Variants in DOP1B observed in about 807,000 individuals in gnomAD.
DOP1B encodes the protein DOP1 leucine zipper like protein B, also known as protein DOP1B.
Under a neutral mutation model 233.5 loss-of-function variants are expected in DOP1B, and 174 were observed. That is an observed-to-expected ratio of 0.75 (90% confidence interval 0.66 to 0.85). The LOEUF (loss-of-function observed/expected upper bound fraction) is 0.85, where lower values mean the gene tolerates loss of function less well. Among genes scored for constraint, DOP1B ranks in the 40% least tolerant of loss-of-function variants. The probability of loss-of-function intolerance (pLI) is 0.00; values close to 1 mark genes in which losing one functional copy is unlikely to be tolerated. For synonymous variants in DOP1B, 1,190 were observed against 1,185.6 expected, an observed-to-expected ratio of 1.00 and a Z score of -0.08; for missense variants, 2,652 against 2,846.6, an observed-to-expected ratio of 0.93 and a Z score of 1.56.
chr21:36,224,307 G>A (rs2066657567), intron 11 of DOP1B, among the ~76,000 whole-genome samples: 1 of 151,780 alleles, frequency 6.6e-6, no homozygotes, highest in Admixed American at 6.6e-5. Flanking sequence ...AGCCTCCCAA[G>A]TAACTGCGAC....
chr21:36,220,744 A>G (rs951234071), intron 10 of DOP1B, among the ~76,000 whole-genome samples: 2 of 150,386 alleles, frequency 1.3e-5, no homozygotes, highest in African/African-American at 2.5e-5. Flanking sequence ...AGCTCAAGCA[A>G]TCTGCCCACC....
chr21:36,238,505 G>GT lies in DOP1B; in HGVS notation c.2776-95dup. 3 of 1,005,620 alleles carry GT rather than the reference G, an allele frequency of 3.0e-6. No individual in the cohort carries two copies. The South Asian group carries it at 4.0e-5, about 13-fold the overall frequency. 62.3% of individuals were successfully genotyped at this position (1,005,620 alleles called of 1,614,324 possible). On this transcript the variant is annotated intron_variant, in intron 16 of 36. Transcript: ENST00000691173. ...TGTGGTTGCTGTCAGTTCTGCTGAA[G>GT]TCTTTGATCTATTGTTTAAATGGGG...
intron 2 of DOP1B, among the ~76,000 whole-genome samples, chr21:36,177,174 G>A (rs940864658): frequency 1.6e-4 from 25 of 152,080 alleles, no homozygotes; most frequent in Non-Finnish European, 3.4e-4. Flanking sequence ...TTCTGTTGTG[G>A]GTGCCATGCT....
chr21:36,259,051 C>T (rs1319077296), intron 23 of DOP1B, among the ~76,000 whole-genome samples: 2 of 151,130 alleles, frequency 1.3e-5, no homozygotes, highest in Non-Finnish European at 2.9e-5. Flanking sequence ...CTGCAAGCTC[C>T]ACCTCCCAGG....
In DOP1B at chr21:36,176,160, A is replaced by G. The variant is rs184615362; in HGVS notation, c.138+11289A>G. On this transcript the variant is annotated intron_variant, in intron 2 of 36. Coordinates refer to ENST00000691173, the MANE Select transcript of DOP1B (RefSeq NM_001320714.2). ...AGCACCCAGAACTGCTGAGTCAGGAAAGCGTTCCAGGTGATTTGTGCCCCC... is the reference window on the plus strand; with the variant it reads ...AGCACCCAGAACTGCTGAGTCAGGAGAGCGTTCCAGGTGATTTGTGCCCCC... Among the ~76,000 whole-genome samples, 59 of 146,758 alleles carry G rather than the reference A, an allele frequency of 4.0e-4. 1 individual carries two copies. The highest frequency in any genetic ancestry group is 1.2e-3 in the African/African-American group (46 of 39,912).
At chr21:36,264,465 CTTTTTTT>C (rs766718183) in intron 26 of DOP1B, among the ~76,000 whole-genome samples, 1 of 140,402 alleles carries the variant, frequency 7.1e-6, no homozygotes, top group Non-Finnish European at 1.6e-5. Context: ...TTCTTTTTTT[CTTTTTTT>C]TTTTTTTGGG....
chr21:36,238,318 C>A (rs1300583424), intron 16 of DOP1B, among the ~76,000 whole-genome samples: 1 of 152,184 alleles, frequency 6.6e-6, no homozygotes, highest in South Asian at 2.1e-4. Context: ...AAGCCATGCT[C>A]CTTTGTGTTT....
chr21:36,175,664 A>T (rs2066014500), intron 2 of DOP1B: 1 of 152,074 alleles, frequency 6.6e-6, no homozygotes, highest in African/African-American at 2.4e-5. Context: ...ATGGTGGCGC[A>T]TGCCTGTAAT....
chr21:36,227,629 T>C, intron 12 of DOP1B, 57 bp from the exon 13 acceptor site: 5 of 1,395,834 alleles, frequency 3.6e-6, no homozygotes, highest in Non-Finnish European at 4.8e-6. Context: ...TTGAGATGCA[T>C]TGTTTTTCTG....
chr21:36,170,924 G>A (rs1325017900), intron 2 of DOP1B, among the ~76,000 whole-genome samples: 2 of 152,172 alleles, frequency 1.3e-5, no homozygotes, highest in African/African-American at 4.8e-5. Flanking sequence ...AGTTTAAGCA[G>A]CCACCTTGAA....
At position 36,237,194 on chromosome 21, in the gene DOP1B, G is replaced by C. The variant is rs1013312374; in HGVS notation, c.2623-68G>C. 23 of 1,600,714 alleles carry C rather than the reference G, an allele frequency of 1.4e-5. No individual in the cohort carries two copies. In the East Asian group the frequency reaches 4.0e-4, roughly 28 times the overall value. ...GTATGTCGGGGCTGGGACTGACTGA[G>C]TGAGGATGTGAGCGGATGTTGCCTG... On this transcript the variant is annotated intron_variant, in intron 15 of 36. Transcript: ENST00000691173.
chr21:36,234,347 G>A (rs1159980877), intron 15 of DOP1B, among the ~76,000 whole-genome samples: 2 of 152,042 alleles, frequency 1.3e-5, no homozygotes, highest in African/African-American at 4.8e-5. Flanking sequence ...AGGCACAGGG[G>A]AGAAAAAAGA....
chr21:36,216,592 C>T (rs1005943779), intron 9 of DOP1B, among the ~76,000 whole-genome samples: 2 of 152,172 alleles, frequency 1.3e-5, no homozygotes, highest in African/African-American at 4.8e-5. Flanking sequence ...GCCTGGGCAA[C>T]AGAGTGAGAC....
At chr21:36,167,940 C>CTTTTTTTTTTTTTTTTT (rs869190433) in intron 2 of DOP1B, among the ~76,000 whole-genome samples, 11 of 40,010 alleles carry the variant, frequency 2.7e-4, no homozygotes, top group Non-Finnish European at 3.3e-4. Flanking sequence ...TTTTCTTTTT[C>CTTTTTTTTTTTTTTTTT]TTTTTTTTTT....
chr21:36,210,681 G>A (rs977681728), intron 5 of DOP1B, among the ~76,000 whole-genome samples: 3 of 151,828 alleles, frequency 2.0e-5, no homozygotes, highest in South Asian at 2.1e-4. Flanking sequence ...GCATGGTGGC[G>A]GGCACCTATA....
chr21:36,286,819 C>A (rs574761230), intron 32 of DOP1B, among the ~76,000 whole-genome samples: 1 of 152,072 alleles, frequency 6.6e-6, no homozygotes, highest in African/African-American at 2.4e-5. Context: ...AAAAAATTAG[C>A]CGGGCATGGT....
In DOP1B at chr21:36,270,121, T is replaced by C. The variant is rs1177099891; in HGVS notation, c.5596T>C (p.Ser1866Pro). ...NLEVKAQPQA[S>P]LEESDAEEDL... is the part of the protein sequence containing the mutation. ...GGAAGTGAAGGCCCAACCTCAGGCCTCTCTAGAAGAATCTGATGCTGAGGA... is the reference window on the plus strand; with the variant it reads ...GGAAGTGAAGGCCCAACCTCAGGCCCCTCTAGAAGAATCTGATGCTGAGGA... The change falls in exon 27 of 37, where the codon TCT (serine) becomes CCT (proline). Residue 1866 changes from serine to proline, a missense_variant. Ser to Pro is a moderately conservative substitution (Grantham distance 74). Around this residue, in one of 3 missense-constraint regions of DOP1B, gnomAD observed 2,617 missense variants for 2,794.3 expected, o/e 0.94. Coordinates refer to ENST00000691173, the MANE Select transcript of DOP1B (RefSeq NM_001320714.2). The C allele has an allele frequency of 6.2e-7, 1 of 1,614,130 alleles. No homozygotes were observed. Among genetic ancestry groups the C allele is most frequent in the East Asian group, 2.2e-5 (1 of 44,864 alleles).
chr21:36,274,787 G>A (rs2067331307), intron 27 of DOP1B, among the ~76,000 whole-genome samples: 1 of 152,076 alleles, frequency 6.6e-6, no homozygotes, highest in African/African-American at 2.4e-5. Flanking sequence ...TTTGAGGCTA[G>A]TTGTCCATAG....
At chr21:36,170,241 G>T in intron 2 of DOP1B, 1 of 364,254 alleles carries the variant, frequency 2.7e-6, no homozygotes, top group Non-Finnish European at 5.1e-6. Context: ...TTTCCCTAAT[G>T]ACTAATAATT....
Sources: gnomAD v4.1 joint callset for allele counts (sites outside exome capture counted in the v4.1 genomes callset) on GRCh38, gnomAD v4.1.1 for gene constraint, gnomAD v4.1.1 regional missense constraint, MANE v1.5 for transcripts, NCBI Gene and HGNC (gene_info 2026-07-23, HGNC 2026-07-21) for gene names.